The following ADGB variants were observed in gnomAD, a reference collection of about 807,000 sequenced individuals.
The protein encoded by ADGB is androglobin.
ADGB carries 172 observed loss-of-function variants against 210.5 expected under a neutral mutation model. The observed-to-expected ratio is 0.82, with a 90% confidence interval of 0.72 to 0.93. The LOEUF is 0.93. Among genes scored for constraint, ADGB ranks in the 40% least tolerant of loss-of-function variants. The probability of loss-of-function intolerance (pLI) is 0.00; values close to 1 mark genes in which losing one functional copy is unlikely to be tolerated. For missense variants in ADGB, 2,025 were observed against 1,964.8 expected, an observed-to-expected ratio of 1.03 and a Z score of -0.58; for synonymous variants, 658 against 662.7, an observed-to-expected ratio of 0.99 and a Z score of 0.11.
chr6:146,630,629 A>G (rs1195587293), intron 1 of ADGB, among the ~76,000 whole-genome samples: 2 of 152,162 alleles, frequency 1.3e-5, no homozygotes, highest in African/African-American at 2.4e-5. Flanking sequence ...TCAGAGTGCT[A>G]TGGCTCTGAG....
chr6:146,752,355 C>T (rs569176916), intron 26 of ADGB, among the ~76,000 whole-genome samples, 175 bp from the exon 27 acceptor site: 1 of 152,000 alleles, frequency 6.6e-6, no homozygotes, highest in Non-Finnish European at 1.5e-5. Context: ...CTAAACTATT[C>T]GTGAGAAACC....
intron 8 of ADGB, among the ~76,000 whole-genome samples, chr6:146,673,884 A>G (rs1469729879): frequency 6.6e-6 from 1 of 152,154 alleles, no homozygotes; most frequent in African/African-American, 2.4e-5. Context: ...ACCAGGAATG[A>G]TATTTACCAA....
rs1227003416 is a variant in ADGB, at chr6:146,672,340, A to G, written c.960A>G (p.Pro320=). The change falls in exon 8 of 36, where the codon CCA becomes CCG. Residue 320 remains proline, a synonymous_variant. Coordinates refer to ENST00000397944, the MANE Select transcript of ADGB (RefSeq NM_024694.4). ...TGTTAGATTCTAAATTAAAAGAACC[A>G]GGGAAAGAAGGGAAGGAGGGAAAAG... ...IAVLDSKLKE[P]GKEGKEGKEI... 3 of 1,551,516 alleles carry G rather than the reference A, an allele frequency of 1.9e-6. No individual in the cohort carries two copies. Among genetic ancestry groups the G allele is most frequent in the Non-Finnish European group, 2.6e-6 (3 of 1,146,842 alleles).
chr6:146,781,742 T>C (rs1027503922), intron 29 of ADGB, among the ~76,000 whole-genome samples: 2 of 152,106 alleles, frequency 1.3e-5, no homozygotes, highest in African/African-American at 2.4e-5. Context: ...GGCATCCATA[T>C]TGGAAATAAA....
At chr6:146,689,314 T>C (rs955074347) in intron 10 of ADGB, among the ~76,000 whole-genome samples, 8 of 152,176 alleles carry the variant, frequency 5.3e-5, no homozygotes, top group African/African-American at 1.9e-4. Flanking sequence ...TTTCTCAGCA[T>C]CAAACTATAA....
chr6:146,658,867 GTGGTC>G (rs1487663874), intron 5 of ADGB, among the ~76,000 whole-genome samples: 1 of 152,148 alleles, frequency 6.6e-6, no homozygotes, highest in Non-Finnish European at 1.5e-5. Flanking sequence ...TGTTTCCTCA[GTGGTC>G]TCATCAGAGG....
chr6:146,668,948 A>G (rs1775971715), intron 7 of ADGB, among the ~76,000 whole-genome samples: 1 of 152,024 alleles, frequency 6.6e-6, no homozygotes. Context: ...GCACTCTGCC[A>G]CCCTGTCTTT....
chr6:146,651,833 T>C (rs1355303866), intron 3 of ADGB, among the ~76,000 whole-genome samples: 2 of 152,168 alleles, frequency 1.3e-5, no homozygotes, highest in Admixed American at 1.3e-4. Flanking sequence ...TTTTACAGTA[T>C]ATTTTATGGC....
At position 146,815,076 on chromosome 6, in the gene ADGB, A is replaced by T. The variant is rs1052444; in HGVS notation, c.4863A>T (p.Glu1621Asp). ...EARQKIFDIR[E>D]EYRNKLLEAE... ...GACAGAAAATTTTCGACATCCGGGAAGAGTACAGAAACAAATTGCTGGAAG... is the reference window on the plus strand; with the variant it reads ...GACAGAAAATTTTCGACATCCGGGATGAGTACAGAAACAAATTGCTGGAAG... The change falls in exon 36 of 36, where the codon GAA becomes GAT. Residue 1621 changes from glutamate (E) to aspartate (D), a missense_variant. Physicochemically the swap from Glu to Asp is conservative, Grantham distance 45. Transcript: ENST00000397944. 522,757 of 1,544,606 alleles carry T rather than the reference A, an allele frequency of 0.34. 92,610 individuals are homozygous for T. Among genetic ancestry groups the T allele is most frequent in the East Asian group, 0.68 (27,720 of 40,500 alleles).
intron 13 of ADGB, among the ~76,000 whole-genome samples, chr6:146,706,676 G>A (rs1776573499): frequency 6.6e-6 from 1 of 152,012 alleles, no homozygotes; most frequent in South Asian, 2.1e-4. Context: ...CCAATTGGTT[G>A]TCATATAATT....
chr6:146,672,303 G>C lies in ADGB; in HGVS notation c.923G>C (p.Ser308Thr). ...FKLSDEASSESKIAVLDSKLK... is the reference protein window; with the variant it reads ...FKLSDEASSETKIAVLDSKLK... ...CTGTCAGATGAGGCCAGCTCTGAAAGCAAAATAGCAGTGTTAGATTCTAAA... is the reference window on the plus strand; with the variant it reads ...CTGTCAGATGAGGCCAGCTCTGAAACCAAAATAGCAGTGTTAGATTCTAAA... Residue 308 changes from serine to threonine, a missense_variant, in exon 8 of 36, where the codon AGC becomes ACC. Transcript: ENST00000397944. The C allele has an allele frequency of 6.4e-7, 1 of 1,551,138 alleles. No homozygotes were observed. Among genetic ancestry groups the C allele is most frequent in the East Asian group, 2.4e-5 (1 of 40,876 alleles).
At chr6:146,807,403 A>G in intron 35 of ADGB, 15 of 1,550,874 alleles carry the variant, frequency 9.7e-6, no homozygotes, top group Non-Finnish European at 1.3e-5. Context: ...TTGGAACAGG[A>G]CTCCTTAGAT....
chr6:146,738,569 C>A (rs1457689433), intron 23 of ADGB, among the ~76,000 whole-genome samples: 1 of 151,364 alleles, frequency 6.6e-6, no homozygotes, highest in Non-Finnish European at 1.5e-5. Flanking sequence ...CCTGCCTCAG[C>A]CTCCCTAGTA....
At chr6:146,716,019 G>T (rs1776727494) in intron 14 of ADGB, among the ~76,000 whole-genome samples, 1 of 140,060 alleles carries the variant, frequency 7.1e-6, no homozygotes, top group Admixed American at 7.4e-5. Context: ...AGTGAGCCAA[G>T]ATCGTGCCAC....
Position 146,599,034 on chromosome 6 carries a change from T to C in ADGB, c.-7T>C. On this transcript the variant is annotated 5_prime_UTR_variant, in exon 1 of 36. Transcript: ENST00000397944. ...AGAGCTCAGCCCTACATAGATCGGC[T>C]TCTGCCATGGCCTCCAAACAAACCA... is the stretch of plus-strand genomic sequence containing the variant. The C allele has an allele frequency of 6.4e-7, 1 of 1,551,436 alleles. No individual in the cohort carries two copies. Among genetic ancestry groups the C allele is most frequent in the South Asian group, 1.2e-5 (1 of 84,056 alleles).
chr6:146,764,142 C>G, intron 28 of ADGB, 42 bp downstream of exon 28: 1 of 1,456,490 alleles, frequency 6.9e-7, no homozygotes, highest in Non-Finnish European at 9.2e-7. Flanking sequence ...TTCCTAAAAC[C>G]CTAACATAAA....
At chr6:146,688,509 C>T (rs4618548) in intron 10 of ADGB, among the ~76,000 whole-genome samples, 54,748 of 151,954 alleles carry the variant, frequency 0.36, 13,656 homozygotes, top group African/African-American at 0.71. Context: ...ATATTGACAT[C>T]ATAAGGGGAG....
chr6:146,599,011 A>T lies in ADGB; in HGVS notation c.-30A>T, dbSNP rs1406606480. The T allele has an allele frequency of 6.5e-7, 1 of 1,540,616 alleles. No individual in the cohort carries two copies. Among genetic ancestry groups the T allele is most frequent in the East Asian group, 2.4e-5 (1 of 40,868 alleles). On this transcript the variant is annotated 5_prime_UTR_variant, in exon 1 of 36. Transcript: ENST00000397944. ...GCGCGCCCGCAGGCTCTTTGCTCAG[A>T]GCTCAGCCCTACATAGATCGGCTTC...
At chr6:146,644,251 A>T (rs1265330948) in intron 2 of ADGB, among the ~76,000 whole-genome samples, 1 of 151,980 alleles carries the variant, frequency 6.6e-6, no homozygotes, top group Non-Finnish European at 1.5e-5. Context: ...ACAGTTGTAT[A>T]TGAATCTATA....
Sources: allele counts gnomAD v4.1 joint callset (sites outside exome capture counted in the v4.1 genomes callset), GRCh38; gene constraint gnomAD v4.1.1; transcripts MANE v1.5; gene names NCBI Gene and HGNC (gene_info 2026-07-23, HGNC 2026-07-21).